DYNC2H1: variants seen among roughly 807,000 people sequenced by gnomAD.
The protein encoded by DYNC2H1 is dynein cytoplasmic 2 heavy chain 1.
In DYNC2H1, 410 loss-of-function variants were observed where a neutral mutation model predicts 570.0. The observed-to-expected ratio is 0.72, with a 90% CI of 0.66 to 0.78. The LOEUF (loss-of-function observed/expected upper bound fraction) is 0.78. Among genes scored for constraint, DYNC2H1 ranks in the 30% least tolerant of loss-of-function variants. The pLI, the probability that DYNC2H1 is intolerant of heterozygous loss-of-function variation, is 0.00. For synonymous variants in DYNC2H1, 1,688 were observed against 1,677.6 expected, an observed-to-expected ratio of 1.01 and a Z score of -0.15; for missense variants, 4,865 against 5,046.4, an observed-to-expected ratio of 0.96 and a Z score of 1.09.
rs938549679 is a variant in DYNC2H1, at chr11:103,177,078, AT to A, written c.5875-471del. Among the ~76,000 whole-genome samples the A allele has an allele frequency of 3.6e-4, 54 of 152,078 alleles. No homozygotes were observed. Among genetic ancestry groups the A allele is most frequent in the Middle Eastern group, 3.4e-3 (1 of 294 alleles). On this transcript the variant is annotated intron_variant, in intron 37 of 88. Transcript: ENST00000375735. This position sits in a 1 kb window ranked among gnomAD's most constrained non-coding sequence, Gnocchi z 4.4. Reference sequence around the variant, plus strand: ...GTACCTAATGTGTAATGGATTCATCATTTTTTTATAATTGATTATATATATG... The same window carrying A: ...GTACCTAATGTGTAATGGATTCATCATTTTTTATAATTGATTATATATATG...
intron 26 of DYNC2H1, 52 bp downstream of exon 26, chr11:103,156,822 AT>A: frequency 6.4e-7 from 1 of 1,567,498 alleles, no homozygotes; most frequent in Non-Finnish European, 8.6e-7. Flanking sequence ...TTTTAAATTA[AT>A]TCATATTGTG....
chr11:103,226,552 G>C (rs766058845), intron 59 of DYNC2H1, among the ~76,000 whole-genome samples: 6 of 152,098 alleles, frequency 3.9e-5, no homozygotes, highest in Non-Finnish European at 8.8e-5. Flanking sequence ...TGCATCCCTG[G>C]TATGAAACCC....
At position 103,203,919 on chromosome 11, in the gene DYNC2H1, G is replaced by A; in HGVS notation, c.8311+143G>A. 1.7e-6 allele frequency: 1 copy of A among 587,220 alleles called. No homozygotes were observed. Among genetic ancestry groups the A allele is most frequent in the Non-Finnish European group, 2.9e-6 (1 of 342,054 alleles). The allele number at this position is 587,220 out of a possible 1,614,324, so 36.4% of individuals were successfully genotyped here. A position where few individuals can be genotyped will look rare whatever the true frequency, so the allele number is the denominator to read the frequency against. On this transcript the variant is annotated intron_variant, in intron 51 of 88. Transcript: ENST00000375735. This position sits in a 1 kb window ranked among gnomAD's most constrained non-coding sequence, Gnocchi z 4.7. The stretch of plus-strand genomic sequence containing the variant: ...TTTTAGAAAGTAACACCTAACTAGT[G>A]GATAGGCTAACCTATAATAAAAACA...
At chr11:103,143,975 C>T (rs886143756) in intron 18 of DYNC2H1, among the ~76,000 whole-genome samples, 1 of 152,178 alleles carries the variant, frequency 6.6e-6, no homozygotes, top group African/African-American at 2.4e-5. Flanking sequence ...AGGATAATAT[C>T]ACTTTTATTA....
In DYNC2H1 at chr11:103,235,728, T is replaced by A; in HGVS notation, c.9624T>A (p.Ala3208=). Residue 3208 remains alanine, a synonymous_variant, in exon 62 of 89, where the codon GCT becomes GCA. Transcript: ENST00000375735. ...ATLPKRAQLA[A]AFITYLSAAP... ...TTCCTAAAAGAGCTCAACTTGCTGC[T>A]GCATTTATTACATATCTTTCTGCTG... 2 of 1,611,670 alleles carry A rather than the reference T, an allele frequency of 1.2e-6. No homozygotes were observed. The highest frequency in any genetic ancestry group is 1.7e-6 in the Non-Finnish European group (2 of 1,178,500).
At chr11:103,380,849 A>T (rs1252680195) in intron 83 of DYNC2H1, among the ~76,000 whole-genome samples, 1 of 152,228 alleles carries the variant, frequency 6.6e-6, no homozygotes, top group Admixed American at 6.5e-5. Context: ...GACCTGAGCC[A>T]ACATGCCTGG....
intron 59 of DYNC2H1, among the ~76,000 whole-genome samples, chr11:103,229,971 C>A (rs773589647): frequency 1.6e-4 from 25 of 152,258 alleles, no homozygotes; most frequent in Admixed American, 4.6e-4. Flanking sequence ...ATCAGCATCA[C>A]TTTGGAACTT....
At chr11:103,366,424 A>G (rs1429552003) in intron 83 of DYNC2H1, among the ~76,000 whole-genome samples, 2 of 152,216 alleles carry the variant, frequency 1.3e-5, no homozygotes, top group African/African-American at 2.4e-5. Flanking sequence ...AGGTTTATTT[A>G]TAAATGAACC....
chr11:103,218,381 T>C (rs1288185019), intron 55 of DYNC2H1, among the ~76,000 whole-genome samples: 1 of 152,180 alleles, frequency 6.6e-6, no homozygotes, highest in Non-Finnish European at 1.5e-5. Flanking sequence ...ACCTGGTAAG[T>C]AATACATCAG....
Position 103,124,281 on chromosome 11 carries a change from T to C in DYNC2H1, c.1662-819T>C, listed in dbSNP as rs112158661. On this transcript the variant is annotated intron_variant, in intron 11 of 88. Transcript: ENST00000375735. ...GAGCAACATGGCGAAATCCTGTCTC[T>C]ACAAAAGACAAAAAAATTAGCCGAA... Among the ~76,000 whole-genome samples the C allele has an allele frequency of 7.8e-3, 1,185 of 151,842 alleles. 5 individuals are homozygous for C. The highest frequency in any genetic ancestry group is 0.024 in the Middle Eastern group (7 of 294).
At chr11:103,358,112 T>G (rs1940443361) in intron 82 of DYNC2H1, 131 bp from the exon 83 acceptor site, 2 of 552,276 alleles carry the variant, frequency 3.6e-6, no homozygotes, top group Admixed American at 3.2e-5. Flanking sequence ...GATAATAAGA[T>G]TATAAACTGT....
chr11:103,112,348 G>A (rs182526238), intron 1 of DYNC2H1, among the ~76,000 whole-genome samples: 18 of 152,286 alleles, frequency 1.2e-4, no homozygotes, highest in Non-Finnish European at 1.9e-4. Flanking sequence ...AATTGAAATA[G>A]GAAGTTATTG....
At position 103,211,897 on chromosome 11, in the gene DYNC2H1, G is replaced by C; in HGVS notation, c.8648G>C (p.Ser2883Thr). Residue 2883 changes from serine (S) to threonine (T), a missense_variant, in exon 54 of 89, where the codon AGT becomes ACT. Ser to Thr is a moderately conservative substitution (Grantham distance 58, BLOSUM62 1). Around this residue, in one of 5 missense-constraint regions of DYNC2H1, gnomAD observed 2,401 missense variants for 2,454.6 expected, o/e 0.98. Coordinates refer to ENST00000375735, the MANE Select transcript of DYNC2H1 (RefSeq NM_001377.3). ...MTFLHVYSAI[S>T]SSKKKELLKR... ...TTTTTACATGTGTATTCTGCCATTA[G>C]TAGTAGCAAGAAAAAGGAATTATTA... 6.5e-7 allele frequency: 1 copy of C among 1,534,836 alleles called. No individual in the cohort carries two copies. Among genetic ancestry groups the C allele is most frequent in the Non-Finnish European group, 8.8e-7 (1 of 1,137,416 alleles).
intron 81 of DYNC2H1, among the ~76,000 whole-genome samples, chr11:103,321,459 C>A (rs1190984562): frequency 6.6e-6 from 1 of 151,940 alleles, no homozygotes; most frequent in Non-Finnish European, 1.5e-5. Flanking sequence ...TAATAATAGG[C>A]TGGTATATAG....
intron 87 of DYNC2H1, among the ~76,000 whole-genome samples, chr11:103,462,787 T>C (rs1278258944): frequency 1.3e-5 from 2 of 152,226 alleles, no homozygotes; most frequent in Non-Finnish European, 2.9e-5. Context: ...GCATTTATTT[T>C]ATTTTTCATG....
At position 103,235,778 on chromosome 11, in the gene DYNC2H1, G is replaced by C. The variant is rs758196423; in HGVS notation, c.9674G>C (p.Cys3225Ser). The C allele has an allele frequency of 7.4e-6, 12 of 1,611,688 alleles. No individual in the cohort carries two copies. In the Middle Eastern group the frequency reaches 5.0e-4, roughly 67 times the overall value. The change falls in exon 62 of 89, where the codon TGT becomes TCT. Residue 3225 changes from cysteine (C) to serine (S), a missense_variant. By Grantham distance (112) the Cys-to-Ser change is moderately radical. Transcript: ENST00000375735. ...SAAPESLRKT[C>S]LEEWTKSAGL... ...GCTCCTGAATCTCTGAGAAAAACCT[G>C]TTTGGAAGAATGGACCAAGTCAGCT...
chr11:103,195,657 C>T (rs1290220181), intron 47 of DYNC2H1, among the ~76,000 whole-genome samples: 1 of 152,220 alleles, frequency 6.6e-6, no homozygotes, highest in Non-Finnish European at 1.5e-5. Flanking sequence ...TTAGAATAAT[C>T]GTTTCTGAAT....
In DYNC2H1 at chr11:103,241,541, A is replaced by C. The variant is rs776976709; in HGVS notation, c.9820-2152A>C. Reference sequence around the variant, plus strand: ...AACTGCATCAGATCATTGGTTTGAAATCATGGGTAAGAACTTTTTAAAAAT... The same window carrying C: ...AACTGCATCAGATCATTGGTTTGAACTCATGGGTAAGAACTTTTTAAAAAT... On this transcript the variant is annotated intron_variant, in intron 63 of 88. Coordinates refer to ENST00000375735, the MANE Select transcript of DYNC2H1 (RefSeq NM_001377.3). This position sits in a 1 kb window ranked among gnomAD's most constrained non-coding sequence, Gnocchi z 5.1. 13 of 1,590,234 alleles carry C rather than the reference A, an allele frequency of 8.2e-6. No individual in the cohort carries two copies. The East Asian group carries it at 2.9e-4, about 36-fold the overall frequency.
At chr11:103,423,165 C>G (rs1036929876) in intron 84 of DYNC2H1, among the ~76,000 whole-genome samples, 5 of 151,416 alleles carry the variant, frequency 3.3e-5, no homozygotes, top group African/African-American at 1.2e-4. Flanking sequence ...ATACAGAGAT[C>G]AATGAAATGG....
Sources: allele counts gnomAD v4.1 joint callset (sites outside exome capture counted in the v4.1 genomes callset), GRCh38; gene constraint gnomAD v4.1.1; regional missense constraint gnomAD v4.1.1; non-coding constraint Gnocchi (gnomAD v3.1); transcripts MANE v1.5; gene names NCBI Gene and HGNC (gene_info 2026-07-23, HGNC 2026-07-21).